The following ARHGEF6 variants were observed in gnomAD, a reference collection of about 807,000 sequenced individuals.
ARHGEF6 encodes the protein rho guanine nucleotide exchange factor 6.
In ARHGEF6, 9 loss-of-function variants were observed where a neutral mutation model predicts 70.3. The observed-to-expected ratio is 0.13, with a 90% CI of 0.08 to 0.22. The LOEUF (loss-of-function observed/expected upper bound fraction) is 0.22, where lower values mean the gene tolerates loss of function less well. Among genes scored for constraint, ARHGEF6 ranks in the 10% least tolerant of loss-of-function variants. ARHGEF6 has a pLI of 1.00. For missense variants in ARHGEF6, 470 were observed against 563.0 expected, an observed-to-expected ratio of 0.83 and a Z score of 1.67; for synonymous variants, 201 against 207.8, an observed-to-expected ratio of 0.97 and a Z score of 0.28.
At chrX:136,742,192 G>A (rs770392395) in intron 5 of ARHGEF6, among the ~76,000 whole-genome samples, 4 of 111,410 alleles carry the variant, frequency 3.6e-5, no homozygotes, top group Non-Finnish European at 7.5e-5. Context: ...GGTGGCAGGC[G>A]CCTGTAGTCC....
chrX:136,689,485 G>A (rs775873448), intron 10 of ARHGEF6, among the ~76,000 whole-genome samples: 2 of 112,073 alleles, frequency 1.8e-5, no homozygotes, highest in East Asian at 5.6e-4. Context: ...AAGCAAGGAG[G>A]GGCAAACCTC....
chrX:136,727,535 T>C (rs748242248), intron 6 of ARHGEF6, among the ~76,000 whole-genome samples: 31 of 96,444 alleles, frequency 3.2e-4, no homozygotes, highest in African/African-American at 1.0e-3. Flanking sequence ...CTCTCTCTCT[T>C]TCTTTCTTTC....
chrX:136,770,802 G>A (rs2077358303), intron 2 of ARHGEF6, among the ~76,000 whole-genome samples: 1 of 112,304 alleles, frequency 8.9e-6, no homozygotes. Context: ...CTCGAGACCA[G>A]CCTGGGCTAC....
chrX:136,732,276 TC>T (rs2076943712), intron 5 of ARHGEF6, 104 bp from the exon 6 acceptor site: 1 of 613,496 alleles, frequency 1.6e-6, no homozygotes, highest in South Asian at 2.5e-5. Flanking sequence ...AGTGGAAGGA[TC>T]AATGGAAATG....
intron 2 of ARHGEF6, among the ~76,000 whole-genome samples, chrX:136,748,823 T>C (rs1255460765): frequency 8.9e-6 from 1 of 112,206 alleles, no homozygotes; most frequent in Non-Finnish European, 1.9e-5. Context: ...CTGGGAACCA[T>C]ATCAAGACAA....
chrX:136,763,958 A>C (rs2077288702), intron 2 of ARHGEF6, among the ~76,000 whole-genome samples: 1 of 111,955 alleles, frequency 8.9e-6, no homozygotes, highest in Non-Finnish European at 1.9e-5. Flanking sequence ...AGCTTGGCAC[A>C]AGGGATTATG....
chrX:136,694,394 C>T lies in ARHGEF6; in HGVS notation c.1047-3646G>A, dbSNP rs745411140. Among the ~76,000 whole-genome samples, 7 of 112,128 alleles carry T rather than the reference C, an allele frequency of 6.2e-5. No individual in the cohort carries two copies. The South Asian group carries it at 2.6e-3, about 41-fold the overall frequency. ...TTGTTTGTGATCAGTCTTACTTGCT[C>T]CCTTCTCTGGCCCTTCAAAGACAGA... is the stretch of plus-strand genomic sequence containing the variant. On this transcript the variant is annotated intron_variant, in intron 9 of 21. Coordinates refer to ENST00000250617, the MANE Select transcript of ARHGEF6 (RefSeq NM_004840.3).
intron 2 of ARHGEF6, chrX:136,767,581 C>T (rs1182485346): frequency 1.3e-6 from 1 of 753,185 alleles, no homozygotes; most frequent in Non-Finnish European, 1.6e-6. Flanking sequence ...GCCGGAGGCG[C>T]GCCCCGCTGG....
chrX:136,725,931 G>C (rs752101474), intron 6 of ARHGEF6, among the ~76,000 whole-genome samples: 27 of 112,138 alleles, frequency 2.4e-4, no homozygotes, highest in African/African-American at 8.7e-4. Context: ...TTCCTGGAGA[G>C]GCTTTAGAGT....
At chrX:136,776,227 A>T (rs1233527662) in intron 2 of ARHGEF6, among the ~76,000 whole-genome samples, 2 of 112,011 alleles carry the variant, frequency 1.8e-5, no homozygotes, top group African/African-American at 3.2e-5. Context: ...GAACACACAT[A>T]GCCAAAGCAA....
At chrX:136,723,579 T>A (rs2076822032) in intron 6 of ARHGEF6, among the ~76,000 whole-genome samples, 1 of 112,096 alleles carries the variant, frequency 8.9e-6, no homozygotes, top group South Asian at 3.7e-4. Flanking sequence ...TACTATATTT[T>A]ATTAAGTAAA....
At chrX:136,706,803 T>G (rs1416658590) in intron 9 of ARHGEF6, 105 bp downstream of exon 9, 7 of 1,000,453 alleles carry the variant, frequency 7.0e-6, no homozygotes, top group Non-Finnish European at 8.4e-6. Context: ...CCTGGCATCA[T>G]GAACAGGGAT....
Position 136,675,015 on chromosome X carries a change from T to C in ARHGEF6, c.2027A>G (p.His676Arg), listed in dbSNP as rs1448101861. Residue 676 changes from histidine to arginine, a missense_variant, in exon 19 of 22, where the codon CAT becomes CGT. Transcript: ENST00000250617. ...YCTSANFQQG[H>R]GSSTRKDSIP... ...AGTTTGGGGGAACCTACTTGAGCCA[T>C]GGCCTTGTTGAAAATTTGCGCTGGT... The C allele has an allele frequency of 1.3e-5, 16 of 1,210,287 alleles. No homozygotes were observed. The highest frequency in any genetic ancestry group is 1.8e-5 in the Non-Finnish European group (16 of 894,007).
At chrX:136,742,844 G>A (rs907967156) in intron 5 of ARHGEF6, among the ~76,000 whole-genome samples, 7 of 111,029 alleles carry the variant, frequency 6.3e-5, no homozygotes, top group South Asian at 3.8e-4. Context: ...TGTGGAAGGC[G>A]TGCACCTGTA....
chrX:136,776,839 G>A (rs915847411), intron 2 of ARHGEF6, among the ~76,000 whole-genome samples: 3 of 105,529 alleles, frequency 2.8e-5, no homozygotes, highest in African/African-American at 1.0e-4. Context: ...ATCCAGAATC[G>A]ACAAGGAACT....
intron 7 of ARHGEF6, among the ~76,000 whole-genome samples, chrX:136,710,391 GCTGA>G (rs2076673754): frequency 2.0e-5 from 2 of 98,931 alleles, no homozygotes; most frequent in African/African-American, 7.3e-5. Context: ...ATATTTTTTT[GCTGA>G]CTAAGAAAGA....
intron 2 of ARHGEF6, among the ~76,000 whole-genome samples, chrX:136,751,675 C>T (rs1306903576): frequency 1.8e-5 from 2 of 110,896 alleles, no homozygotes; most frequent in Non-Finnish European, 3.8e-5. Context: ...GCTACCTTGT[C>T]CCTTCCACCA....
intron 6 of ARHGEF6, among the ~76,000 whole-genome samples, chrX:136,730,425 C>A (rs1408277846): frequency 8.9e-6 from 1 of 111,741 alleles, no homozygotes; most frequent in Non-Finnish European, 1.9e-5. Context: ...AAAAAACCAA[C>A]CAACCAAAAT....
chrX:136,712,991 C>G (rs767564410), intron 7 of ARHGEF6, among the ~76,000 whole-genome samples: 20 of 110,392 alleles, frequency 1.8e-4, no homozygotes. Flanking sequence ...AAGGTAAAAC[C>G]AAGCACATCA....
Sources: gnomAD v4.1 joint callset for allele counts (sites outside exome capture counted in the v4.1 genomes callset) on GRCh38, gnomAD v4.1.1 for gene constraint, MANE v1.5 for transcripts, NCBI Gene and HGNC (gene_info 2026-07-23, HGNC 2026-07-21) for gene names.